KCNMA1: variants seen among roughly 807,000 people sequenced by gnomAD.
KCNMA1 encodes the protein Calcium-activated potassium channel subunit alpha-1.
KCNMA1 carries 29 observed loss-of-function variants against 140.0 expected under a neutral mutation model. The ratio of observed to expected loss-of-function variants is 0.21; its 90% CI spans 0.15 to 0.28. The LOEUF (loss-of-function observed/expected upper bound fraction) is 0.28. Ranked by LOEUF, KCNMA1 falls within the 10% of genes least tolerant of loss-of-function variation. KCNMA1 has a pLI of 1.00. For synonymous variants in KCNMA1, 612 were observed against 611.9 expected, an observed-to-expected ratio of 1.00 and a Z score of 0.00; for missense variants, 880 against 1,602.2, an observed-to-expected ratio of 0.55 and a Z score of 7.70.
intron 2 of KCNMA1, chr10:77,309,421 G>T (rs961215076): frequency 6.6e-6 from 1 of 152,216 alleles, no homozygotes; most frequent in Non-Finnish European, 1.5e-5. Context: ...GCCAAGCAAG[G>T]TTCTAATAAA....
chr10:77,490,731 T>G (rs1340481613), intron 1 of KCNMA1, among the ~76,000 whole-genome samples: 1 of 152,202 alleles, frequency 6.6e-6, no homozygotes, highest in Non-Finnish European at 1.5e-5. Context: ...ACAGTCTATT[T>G]ACATACAGCT....
At chr10:77,405,740 C>G (rs1176877067) in intron 1 of KCNMA1, among the ~76,000 whole-genome samples, 1 of 152,176 alleles carries the variant, frequency 6.6e-6, no homozygotes, top group Non-Finnish European at 1.5e-5. Flanking sequence ...CAAGGCAAAG[C>G]CACACTGGGG....
intron 1 of KCNMA1, among the ~76,000 whole-genome samples, chr10:77,564,516 A>G (rs2067464096): frequency 6.6e-6 from 1 of 152,174 alleles, no homozygotes; most frequent in Non-Finnish European, 1.5e-5. Flanking sequence ...CTGGGAGGCA[A>G]AGATTGAAGT....
At chr10:76,949,655 C>T (rs1041425770) in intron 21 of KCNMA1, among the ~76,000 whole-genome samples, 2 of 152,092 alleles carry the variant, frequency 1.3e-5, no homozygotes, top group African/African-American at 4.8e-5. Context: ...TATGTGTGAG[C>T]AGACCTTCAT....
intron 19 of KCNMA1, among the ~76,000 whole-genome samples, chr10:76,982,146 G>A (rs2079696681): frequency 6.6e-6 from 1 of 152,074 alleles, no homozygotes; most frequent in Non-Finnish European, 1.5e-5. Flanking sequence ...TTTTAAAGAT[G>A]CACAATAAGA....
At chr10:77,507,092 G>T (rs2046411129) in intron 1 of KCNMA1, among the ~76,000 whole-genome samples, 1 of 152,074 alleles carries the variant, frequency 6.6e-6, no homozygotes, top group Admixed American at 6.6e-5. Context: ...TTCCCAAATG[G>T]GCAGGGGAAG....
chr10:76,993,841 CA>C (rs1301335526), intron 19 of KCNMA1, among the ~76,000 whole-genome samples: 1 of 152,236 alleles, frequency 6.6e-6, no homozygotes, highest in African/African-American at 2.4e-5. Flanking sequence ...TTTTACCCTT[CA>C]GGGGGGTCAA....
intron 1 of KCNMA1, among the ~76,000 whole-genome samples, chr10:77,597,024 C>T (rs889143418): frequency 6.6e-6 from 1 of 152,196 alleles, no homozygotes; most frequent in Non-Finnish European, 1.5e-5. Context: ...CGAAATCTAA[C>T]AGTGTCTATT....
chr10:77,050,298 A>C (rs971898482), intron 14 of KCNMA1, among the ~76,000 whole-genome samples: 7 of 152,128 alleles, frequency 4.6e-5, no homozygotes, highest in African/African-American at 1.7e-4. Context: ...AAAAAAACAA[A>C]AAAACAAAAA....
chr10:77,625,611 T>C (rs1048563966), intron 1 of KCNMA1, among the ~76,000 whole-genome samples: 4 of 152,216 alleles, frequency 2.6e-5, no homozygotes, highest in East Asian at 1.9e-4. Context: ...AGTTATCCTT[T>C]TGTGACTGGC....
chr10:77,325,866 G>A (rs938645256), intron 2 of KCNMA1, among the ~76,000 whole-genome samples: 2 of 152,052 alleles, frequency 1.3e-5, no homozygotes, highest in Non-Finnish European at 2.9e-5. Context: ...GCTCCCTCTG[G>A]CTTTTAATGT....
At chr10:77,490,597 T>C (rs1405672294) in intron 1 of KCNMA1, among the ~76,000 whole-genome samples, 1 of 152,234 alleles carries the variant, frequency 6.6e-6, no homozygotes, top group Non-Finnish European at 1.5e-5. Context: ...CTAGGTTATG[T>C]CATTTAATCT....
intron 2 of KCNMA1, among the ~76,000 whole-genome samples, chr10:77,341,580 G>T (rs537060050): frequency 6.6e-6 from 1 of 152,304 alleles, no homozygotes; most frequent in East Asian, 1.9e-4. Flanking sequence ...TTCCTTAGAC[G>T]TGGGTCCCCC....
chr10:77,397,680 G>A (rs2096107355), intron 2 of KCNMA1, among the ~76,000 whole-genome samples: 1 of 152,144 alleles, frequency 6.6e-6, no homozygotes, highest in South Asian at 2.1e-4. Context: ...ATTTTGCACA[G>A]TGGTGAAGTC....
At chr10:77,384,718 C>A (rs541263335) in intron 2 of KCNMA1, among the ~76,000 whole-genome samples, 1 of 152,336 alleles carries the variant, frequency 6.6e-6, no homozygotes, top group African/African-American at 2.4e-5. Flanking sequence ...CTCGACTGGA[C>A]AAATGGTTAT....
At chr10:77,276,016 C>T (rs1015970462) in intron 2 of KCNMA1, among the ~76,000 whole-genome samples, 10 of 152,194 alleles carry the variant, frequency 6.6e-5, no homozygotes, top group Admixed American at 1.3e-4. Flanking sequence ...GGTGTCCCCC[C>T]TTCCTTGCCC....
intron 13 of KCNMA1, chr10:77,077,714 G>A (rs1447027447): frequency 1.3e-5 from 2 of 152,338 alleles, no homozygotes; most frequent in South Asian, 4.1e-4. Flanking sequence ...ACAAATGAAA[G>A]AAGGAGAGCT....
chr10:76,997,982 C>A (rs3781159), intron 19 of KCNMA1, among the ~76,000 whole-genome samples: 58,784 of 152,094 alleles, frequency 0.39, 12,271 homozygotes, highest in Admixed American at 0.49. Context: ...CCTTACTTTT[C>A]TGACACCTTT....
chr10:77,432,270 C>G (rs550641517), intron 1 of KCNMA1, among the ~76,000 whole-genome samples: 11 of 152,208 alleles, frequency 7.2e-5, no homozygotes, highest in Non-Finnish European at 1.6e-4. Flanking sequence ...TTCACTTAAT[C>G]AGTCACTTAT....
Sources: allele counts gnomAD v4.1 joint callset (sites outside exome capture counted in the v4.1 genomes callset), GRCh38; gene constraint gnomAD v4.1.1; transcripts MANE v1.5; gene names NCBI Gene and HGNC (gene_info 2026-07-23, HGNC 2026-07-21).